DIS3L: variants seen among roughly 807,000 people sequenced by gnomAD.
DIS3L encodes DIS3 like exosome 3'-5' exoribonuclease, also known as DIS3-like exonuclease 1.
DIS3L carries 100 observed loss-of-function variants against 120.3 expected under a neutral mutation model. The observed-to-expected ratio is 0.83, with a 90% CI of 0.71 to 0.98. The LOEUF (loss-of-function observed/expected upper bound fraction) is 0.98. Among genes scored for constraint, DIS3L ranks in the 50% least tolerant of loss-of-function variants. The pLI is 0.00. For missense variants in DIS3L, 1,196 were observed against 1,314.2 expected, an observed-to-expected ratio of 0.91 and a Z score of 1.39; for synonymous variants, 426 against 470.6, an observed-to-expected ratio of 0.91 and a Z score of 1.23.
At chr15:66,314,436 A>T (rs2092796731) in intron 6 of DIS3L, among the ~76,000 whole-genome samples, 1 of 152,228 alleles carries the variant, frequency 6.6e-6, no homozygotes, top group Non-Finnish European at 1.5e-5. Context: ...GTGCTGCCTC[A>T]ATGTGCTATA....
At chr15:66,309,094 A>AAATATATATAT in intron 4 of DIS3L, among the ~76,000 whole-genome samples, 2 of 15,320 alleles carry the variant, frequency 1.3e-4, no homozygotes, top group African/African-American at 2.0e-4. Flanking sequence ...AAAAAAAAAA[A>AAATATATATAT]ATATATATAT....
In DIS3L at chr15:66,333,111, T is replaced by C. The variant is rs1037546143; in HGVS notation, c.2964T>C (p.Ser988=). The C allele has an allele frequency of 3.1e-6, 5 of 1,612,730 alleles. No individual in the cohort carries two copies. Among genetic ancestry groups the C allele is most frequent in the African/African-American group, 2.7e-5 (2 of 74,690 alleles). ...KIPNTELIHQ[S]SPLLKSELVK... The stretch of plus-strand genomic sequence containing the variant: ...CAAATACAGAACTTATTCATCAGAG[T>C]TCCCCCTTGCTGAAGAGTGAGTTAG... The change falls in exon 17 of 17, where the codon AGT becomes AGC. Residue 988 remains serine, a synonymous_variant. Coordinates refer to ENST00000319212, the MANE Select transcript of DIS3L (RefSeq NM_001143688.3).
At chr15:66,318,274 G>A (rs763443408) in intron 7 of DIS3L, among the ~76,000 whole-genome samples, 175 bp from the exon 8 acceptor site, 3 of 151,868 alleles carry the variant, frequency 2.0e-5, no homozygotes, top group Non-Finnish European at 4.4e-5. Flanking sequence ...ATGCCTGGCC[G>A]TTATTGTTGT....
chr15:66,311,693 C>T (rs1192747794), intron 4 of DIS3L, 31 bp from the exon 5 acceptor site: 1 of 1,611,642 alleles, frequency 6.2e-7, no homozygotes, highest in Non-Finnish European at 8.5e-7. Flanking sequence ...TACCTTCTGA[C>T]CGTGTTTCTC....
intron 12 of DIS3L, among the ~76,000 whole-genome samples, chr15:66,326,735 A>T (rs538566096): frequency 1.3e-5 from 2 of 152,012 alleles, no homozygotes; most frequent in East Asian, 3.9e-4. Context: ...ACACGCCACC[A>T]TGCCTGGCTA....
chr15:66,304,148 A>G (rs2092679360), intron 2 of DIS3L, among the ~76,000 whole-genome samples: 1 of 150,468 alleles, frequency 6.6e-6, no homozygotes, highest in South Asian at 2.1e-4. Context: ...GGCTTTTAAA[A>G]TAAGTTTTAA....
At chr15:66,294,271 G>T in intron 1 of DIS3L, 1 of 985,470 alleles carries the variant, frequency 1.0e-6, no homozygotes, top group Non-Finnish European at 1.2e-6. Flanking sequence ...GCACTGGAGC[G>T]GAAGGTCACG....
intron 13 of DIS3L, 30 bp downstream of exon 13, chr15:66,329,154 T>C: frequency 6.3e-7 from 1 of 1,596,132 alleles, no homozygotes; most frequent in South Asian, 1.1e-5. Flanking sequence ...TATGTGTGGC[T>C]GTAACTTTGC....
chr15:66,310,256 G>C (rs1245854411), intron 4 of DIS3L, among the ~76,000 whole-genome samples: 1 of 152,210 alleles, frequency 6.6e-6, no homozygotes, highest in African/African-American at 2.4e-5. Flanking sequence ...TGGCATGCCA[G>C]AGAATTCCAG....
chr15:66,330,099 G>A (rs113238971), intron 14 of DIS3L: 220,613 of 964,534 alleles, frequency 0.23, 26,337 homozygotes, highest in Middle Eastern at 0.29. Flanking sequence ...TCAGGAGATC[G>A]AGACCATCCG....
chr15:66,306,170 T>A (rs1403002205), intron 2 of DIS3L, among the ~76,000 whole-genome samples: 1 of 152,158 alleles, frequency 6.6e-6, no homozygotes, highest in Non-Finnish European at 1.5e-5. Context: ...AGACAGGGTC[T>A]CCTTATGTTG....
At position 66,318,583 on chromosome 15, in the gene DIS3L, A is replaced by G. The variant is rs1359010060; in HGVS notation, c.1129A>G (p.Ile377Val). The change falls in exon 8 of 17, where the codon ATT (isoleucine) becomes GTT (valine). Residue 377 changes from isoleucine to valine, a missense_variant. Coordinates refer to ENST00000319212, the MANE Select transcript of DIS3L (RefSeq NM_001143688.3). Reference sequence around the variant, plus strand: ...ACCTTGGGATTACAGAATTCCCAAAATTCGAATTAGCACTCAGCAAGCAGA... The same window carrying G: ...ACCTTGGGATTACAGAATTCCCAAAGTTCGAATTAGCACTCAGCAAGCAGA... Reference protein sequence around the residue: ...VTPWDYRIPKIRISTQQAETL... With the variant: ...VTPWDYRIPKVRISTQQAETL... 3.1e-6 allele frequency: 5 copies of G among 1,614,050 alleles called. No homozygotes were observed. In the South Asian group the frequency reaches 5.5e-5, roughly 18 times the overall value.
In DIS3L at chr15:66,326,371, C is replaced by G; in HGVS notation, c.2201+7C>G. On this transcript the variant is annotated splice_region_variant and intron_variant, in intron 12 of 16. Coordinates refer to ENST00000319212, the MANE Select transcript of DIS3L (RefSeq NM_001143688.3). Reference sequence around the variant, plus strand: ...GCTTCTTCATAGATACACGGTATTCCTCTTTTGAGGGGGCAGAGGAATGGA... The same window carrying G: ...GCTTCTTCATAGATACACGGTATTCGTCTTTTGAGGGGGCAGAGGAATGGA... 1 of 1,611,432 alleles carries G rather than the reference C, an allele frequency of 6.2e-7. No homozygotes were observed. Among genetic ancestry groups the G allele is most frequent in the Non-Finnish European group, 8.5e-7 (1 of 1,178,290 alleles).
chr15:66,320,481 G>A (rs960642281), intron 8 of DIS3L, 90 bp from the exon 9 acceptor site: 25 of 1,430,644 alleles, frequency 1.7e-5, no homozygotes, highest in South Asian at 7.1e-5. Flanking sequence ...TTGGAACCCA[G>A]TATTGTTTGC....
In DIS3L at chr15:66,308,858, T is replaced by G; in HGVS notation, c.558+14T>G. On this transcript the variant is annotated intron_variant, in intron 4 of 16. Transcript: ENST00000319212. ...ATTACTTTCAAGGTATTTCCAGATA[T>G]TGTATATGTATGAGTGCTCATTTTC... 1 of 1,611,140 alleles carries G rather than the reference T, an allele frequency of 6.2e-7. No individual in the cohort carries two copies. The highest frequency in any genetic ancestry group is 8.5e-7 in the Non-Finnish European group (1 of 1,178,446).
Position 66,326,259 on chromosome 15 carries a change from G to C in DIS3L, c.2096G>C (p.Ser699Thr), listed in dbSNP as rs200886186. Residue 699 changes from serine (S) to threonine (T), a missense_variant, in exon 12 of 17, where the codon AGC (serine) becomes ACC (threonine). Physicochemically the swap from Ser to Thr is moderately conservative, Grantham distance 58. Transcript: ENST00000319212. ...NHWVAKKIWE[S>T]FPHQALLRQH... ...TGGGTCGCCAAAAAGATCTGGGAGA[G>C]CTTCCCTCATCAGGCCTTGCTGCGC... is the stretch of plus-strand genomic sequence containing the variant. 23 of 1,614,164 alleles carry C rather than the reference G, an allele frequency of 1.4e-5. No homozygotes were observed. In the East Asian group the frequency reaches 3.1e-4, roughly 22 times the overall value.
chr15:66,302,077 T>G (rs2092653758), intron 2 of DIS3L, among the ~76,000 whole-genome samples: 2 of 152,012 alleles, frequency 1.3e-5, no homozygotes, highest in Admixed American at 1.3e-4. Flanking sequence ...AGAACAGAAT[T>G]CAAGAATCCC....
chr15:66,304,282 C>T (rs1285071547), intron 2 of DIS3L, among the ~76,000 whole-genome samples: 1 of 151,466 alleles, frequency 6.6e-6, no homozygotes, highest in East Asian at 1.9e-4. Context: ...AAGACCCCGT[C>T]TCTACAAAAA....
At chr15:66,322,540 A>C in intron 9 of DIS3L, 147 bp from the exon 10 acceptor site, 4 of 1,263,286 alleles carry the variant, frequency 3.2e-6, no homozygotes, top group Non-Finnish European at 4.4e-6. Flanking sequence ...GTAAACAATT[A>C]TTGATCAAAG....
Sources: allele counts gnomAD v4.1 joint callset (sites outside exome capture counted in the v4.1 genomes callset), GRCh38; gene constraint gnomAD v4.1.1; transcripts MANE v1.5; gene names NCBI Gene and HGNC (gene_info 2026-07-23, HGNC 2026-07-21).